UHMK1: variants seen among roughly 807,000 people sequenced by gnomAD.
UHMK1 encodes the protein U2AF homology motif kinase 1.
In UHMK1, 18 loss-of-function variants were observed where a neutral mutation model predicts 44.0. That is an observed-to-expected ratio of 0.41 (90% CI 0.28 to 0.61). The LOEUF is 0.61. UHMK1 is among the 20% of genes least tolerant of loss of function. The pLI, the probability that UHMK1 is intolerant of heterozygous loss-of-function variation, is 0.31. For synonymous variants in UHMK1, 231 were observed against 198.5 expected (o/e 1.16, Z -1.38); for missense variants, 463 against 522.5 (o/e 0.89, Z 1.11).
Position 162,498,277 on chromosome 1 carries a change from C to G in UHMK1, c.268+9C>G. ...GGGTCACAGAAACATCGGTAATTGCCGCTGTCTCCTTTCTCTTCTTGCCCA... is the reference window on the plus strand; with the variant it reads ...GGGTCACAGAAACATCGGTAATTGCGGCTGTCTCCTTTCTCTTCTTGCCCA... On this transcript the variant is annotated intron_variant, in intron 1 of 7. Transcript: ENST00000489294. The G allele has an allele frequency of 6.4e-7, 1 of 1,573,750 alleles. No individual in the cohort carries two copies. The highest frequency in any genetic ancestry group is 1.2e-5 in the South Asian group (1 of 85,892).
chr1:162,506,477 A>G (rs1651472778), intron 4 of UHMK1, among the ~76,000 whole-genome samples: 1 of 152,178 alleles, frequency 6.6e-6, no homozygotes, highest in Non-Finnish European at 1.5e-5. Context: ...GGAACATTGT[A>G]CCCATCTTGT....
intron 4 of UHMK1, among the ~76,000 whole-genome samples, chr1:162,511,878 T>G (rs28610467): frequency 0.013 from 1,919 of 152,262 alleles, 38 homozygotes; most frequent in African/African-American, 0.042. Flanking sequence ...TTGGCACCTT[T>G]GTTGAAAATC....
intron 4 of UHMK1, among the ~76,000 whole-genome samples, chr1:162,510,110 TTGTA>T (rs939738065): frequency 6.6e-6 from 1 of 152,224 alleles, no homozygotes; most frequent in Non-Finnish European, 1.5e-5. Flanking sequence ...TGACATAAAA[TTGTA>T]TGTATCATGT....
upstream of UHMK1, among the ~76,000 whole-genome samples, chr1:162,497,519 G>C (rs1651090142): frequency 1.3e-5 from 2 of 152,052 alleles, no homozygotes. Context: ...TTTGTTCCTG[G>C]GGTGTTTTCC....
At chr1:162,517,580 A>G (rs938124068) in intron 6 of UHMK1, among the ~76,000 whole-genome samples, 15 of 152,044 alleles carry the variant, frequency 9.9e-5, no homozygotes, top group African/African-American at 3.4e-4. Flanking sequence ...TAAGTTTATA[A>G]TAATGGCAGA....
chr1:162,498,513 C>G (rs1434216346), intron 1 of UHMK1, among the ~76,000 whole-genome samples: 1 of 152,216 alleles, frequency 6.6e-6, no homozygotes, highest in African/African-American at 2.4e-5. Flanking sequence ...CGAGTCTCAT[C>G]GGAGAATGCC....
chr1:162,513,943 A>G (rs1391629139), intron 6 of UHMK1, among the ~76,000 whole-genome samples: 1 of 152,310 alleles, frequency 6.6e-6, no homozygotes, highest in East Asian at 1.9e-4. Flanking sequence ...GAGTTTATTA[A>G]ATAATTTTAA....
Position 162,503,772 on chromosome 1 carries a change from A to T in UHMK1, c.772A>T (p.Ile258Phe). 6.2e-7 allele frequency: 1 copy of T among 1,614,136 alleles called. No homozygotes were observed. Among genetic ancestry groups the T allele is most frequent in the Non-Finnish European group, 8.5e-7 (1 of 1,180,000 alleles). The change falls in exon 4 of 8, where the codon ATT becomes TTT. Residue 258 changes from isoleucine (I) to phenylalanine (F), a missense_variant. Coordinates refer to ENST00000489294, the MANE Select transcript of UHMK1 (RefSeq NM_175866.5). ...QEWKANSSAI[I>F]DHIFASKAVV... ...TTTTAAGGCAAACAGTTCTGCTATT[A>T]TTGATCACATATTTGCCAGTAAAGC...
intron 4 of UHMK1, among the ~76,000 whole-genome samples, chr1:162,507,906 ATCC>A (rs1366633642): frequency 6.6e-6 from 1 of 151,092 alleles, no homozygotes; most frequent in African/African-American, 2.4e-5. Context: ...TTTTAAAAAT[ATCC>A]TCCTTTTTGC....
intron 3 of UHMK1, among the ~76,000 whole-genome samples, chr1:162,503,183 A>T (rs1272384620): frequency 1.3e-5 from 2 of 152,102 alleles, no homozygotes; most frequent in South Asian, 2.1e-4. Flanking sequence ...CTACATTCTT[A>T]TGTGGTTACT....
At position 162,524,228 on chromosome 1, in the gene UHMK1, T is replaced by C. The variant is rs528366139; in HGVS notation, c.*1678T>C. On this transcript the variant is annotated 3_prime_UTR_variant, in exon 8 of 8. Transcript: ENST00000489294. ...TTGCATTTTACAGAATGAAATACTT[T>C]ACCCCATTCAAACAATTATTGTTTG... The C allele has an allele frequency of 6.6e-6, 1 of 152,196 alleles. No homozygotes were observed. Among genetic ancestry groups the C allele is most frequent in the Non-Finnish European group, 1.5e-5 (1 of 68,032 alleles). The allele number at this position is 152,196 out of a possible 1,614,324, so 9.4% of individuals were successfully genotyped here. A position where few individuals can be genotyped will look rare whatever the true frequency, so the allele number is the denominator to read the frequency against.
intron 6 of UHMK1, 21 bp from the exon 7 acceptor site, chr1:162,518,081 G>C: frequency 6.5e-7 from 1 of 1,531,108 alleles, no homozygotes; most frequent in South Asian, 1.1e-5. Flanking sequence ...AGCAGTTACT[G>C]TTATGTGTTT....
Position 162,503,738 on chromosome 1 carries a change from T to C in UHMK1, c.754-16T>C, listed in dbSNP as rs769655951. On this transcript the variant is annotated splice_polypyrimidine_tract_variant and intron_variant, in intron 3 of 7. Transcript: ENST00000489294. The stretch of plus-strand genomic sequence containing the variant: ...AGACTGAATAACCAAAGGAAAACTT[T>C]TCTCCGTTTTTTAAGGCAAACAGTT... The C allele has an allele frequency of 1.9e-6, 3 of 1,610,064 alleles. No individual in the cohort carries two copies. Among genetic ancestry groups the C allele is most frequent in the Admixed American group, 1.7e-5 (1 of 59,924 alleles).
At chr1:162,518,953 C>T (rs1651942399) in intron 7 of UHMK1, among the ~76,000 whole-genome samples, 2 of 150,976 alleles carry the variant, frequency 1.3e-5, no homozygotes, top group South Asian at 4.2e-4. Flanking sequence ...CATGCCACTG[C>T]ACTCCAGCCT....
chr1:162,515,053 C>T (rs1419169145), intron 6 of UHMK1, among the ~76,000 whole-genome samples: 2 of 152,136 alleles, frequency 1.3e-5, no homozygotes, highest in African/African-American at 4.8e-5. Flanking sequence ...GCTCAAATAT[C>T]CTCTAGACTC....
rs1055975742 is a variant in UHMK1, at chr1:162,500,218, T to C, written c.532T>C (p.Phe178Leu). ...GAATGAATGTTTTAAACTCATTGACTTTGGACTTAGCTTCAAAGAAGGCAA... is the reference window on the plus strand; with the variant it reads ...GAATGAATGTTTTAAACTCATTGACCTTGGACTTAGCTTCAAAGAAGGCAA... ...AENECFKLID[F>L]GLSFKEGNQD... The change falls in exon 2 of 8, where the codon TTT (phenylalanine) becomes CTT (leucine). Residue 178 changes from phenylalanine (F) to leucine (L), a missense_variant. Around this residue, in one of 3 missense-constraint regions of UHMK1, gnomAD observed 264 missense variants for 326.3 expected, o/e 0.81. Coordinates refer to ENST00000489294, the MANE Select transcript of UHMK1 (RefSeq NM_175866.5). 5.0e-6 allele frequency: 8 copies of C among 1,611,630 alleles called. No individual in the cohort carries two copies. Among genetic ancestry groups the C allele is most frequent in the Non-Finnish European group, 6.8e-6 (8 of 1,177,970 alleles).
intron 7 of UHMK1, among the ~76,000 whole-genome samples, chr1:162,521,296 G>A (rs2101686281): frequency 6.6e-6 from 1 of 152,228 alleles, no homozygotes; most frequent in East Asian, 1.9e-4. Flanking sequence ...GTGTAGTATA[G>A]AAAAGTATAG....
rs1652326800 is a variant in UHMK1 at position 162,528,479 on chromosome 1, A to T, written c.*5929A>T. On this transcript the variant is annotated 3_prime_UTR_variant, in exon 8 of 8. Transcript: ENST00000489294. ...CTATATTCAGTTTGGCCTAATTTTTAAAAATAAATATTTATACTCCAGCTT... is the reference window on the plus strand; with the variant it reads ...CTATATTCAGTTTGGCCTAATTTTTTAAAATAAATATTTATACTCCAGCTT... 1 of 152,228 alleles carries T rather than the reference A, an allele frequency of 6.6e-6. No homozygotes were observed. Among genetic ancestry groups the T allele is most frequent in the East Asian group, 1.9e-4 (1 of 5,186 alleles). The allele number at this position is 152,228 out of a possible 1,614,324, so 9.4% of individuals were successfully genotyped here. A position where few individuals can be genotyped will look rare whatever the true frequency, so the allele number is the denominator to read the frequency against.
chr1:162,515,160 CAGAA>C (rs1339538782), intron 6 of UHMK1, among the ~76,000 whole-genome samples: 7 of 152,202 alleles, frequency 4.6e-5, no homozygotes, highest in Admixed American at 4.6e-4. Context: ...AAACAGCAAA[CAGAA>C]AGCTTTATTT....
Sources: allele counts gnomAD v4.1 joint callset (sites outside exome capture counted in the v4.1 genomes callset), GRCh38; gene constraint gnomAD v4.1.1; regional missense constraint gnomAD v4.1.1; transcripts MANE v1.5; gene names NCBI Gene and HGNC (gene_info 2026-07-23, HGNC 2026-07-21).